Variants in SPSB1 observed in about 807,000 individuals in gnomAD.
The protein encoded by SPSB1 is SPRY domain-containing SOCS box protein 1.
A neutral mutation model predicts 21.2 loss-of-function variants in SPSB1; 8 were observed. That is an observed-to-expected ratio of 0.38 (90% CI 0.22 to 0.68). The LOEUF (loss-of-function observed/expected upper bound fraction) is 0.68, where lower values mean the gene tolerates loss of function less well. Ranked by LOEUF, SPSB1 falls within the 30% of genes least tolerant of loss-of-function variation. The pLI is 0.53. For synonymous variants in SPSB1, 169 were observed against 161.7 expected (o/e 1.05, Z -0.34); for missense variants, 242 against 377.8 (o/e 0.64, Z 2.98).
chr1:9,366,034 A>C (rs559564041), intron 2 of SPSB1, among the ~76,000 whole-genome samples: 1 of 152,306 alleles, frequency 6.6e-6, no homozygotes, highest in Non-Finnish European at 1.5e-5. Context: ...GACTCCTGAG[A>C]TCTGAAGCTG....
At chr1:9,359,608 A>C (rs984266189) in intron 2 of SPSB1, among the ~76,000 whole-genome samples, 6 of 151,694 alleles carry the variant, frequency 4.0e-5, no homozygotes, top group Admixed American at 3.9e-4. Context: ...AGGCTGAGGC[A>C]GGAGAATTGC....
chr1:9,330,180 G>A (rs776989322), intron 1 of SPSB1, among the ~76,000 whole-genome samples: 1 of 152,174 alleles, frequency 6.6e-6, no homozygotes, highest in Non-Finnish European at 1.5e-5. Flanking sequence ...ACATAAAGAT[G>A]TACCAGGCTG....
rs996247490 is a variant in SPSB1, at chr1:9,305,866, G to A, written c.-150+12795G>A. 2.0e-5 allele frequency among the ~76,000 whole-genome samples: 3 copies of A among 152,142 alleles called. No individual in the cohort carries two copies. Among genetic ancestry groups the A allele is most frequent in the Non-Finnish European group, 4.4e-5 (3 of 68,034 alleles). On this transcript the variant is annotated intron_variant, in intron 1 of 2. Transcript: ENST00000328089. The surrounding 1 kb of genome is among the most constrained non-coding windows in gnomAD (Gnocchi z 4.8). ...CGTCTCTGCTGATGATAGCGCTCAGGGTATCAGAGGACACTGGTGGCAGGG... is the reference window on the plus strand; with the variant it reads ...CGTCTCTGCTGATGATAGCGCTCAGAGTATCAGAGGACACTGGTGGCAGGG...
In SPSB1 at chr1:9,356,102, G is replaced by A. The variant is rs766384598; in HGVS notation, c.211G>A (p.Asp71Asn). The change falls in exon 2 of 3, where the codon GAC becomes AAC. Residue 71 changes from aspartate to asparagine, a missense_variant. By Grantham distance (23) the Asp-to-Asn change is conservative (BLOSUM62 1). Transcript: ENST00000328089. This position sits in a 1 kb window ranked among gnomAD's most constrained non-coding sequence, Gnocchi z 7.4. ...RSLNVFVKED[D>N]KLIFHRHPVA... ...GCTCAATGTCTTTGTGAAGGAGGAC[G>A]ACAAGCTCATCTTTCACCGGCATCC... The A allele has an allele frequency of 2.6e-5, 42 of 1,606,678 alleles. No homozygotes were observed. The highest frequency in any genetic ancestry group is 1.3e-4 in the Admixed American group (8 of 59,682).
intron 1 of SPSB1, among the ~76,000 whole-genome samples, chr1:9,299,209 C>T (rs938304858): frequency 1.5e-4 from 23 of 152,334 alleles, no homozygotes; most frequent in African/African-American, 5.5e-4. Flanking sequence ...TCCATAAGGC[C>T]CAGCAGAAGC....
At chr1:9,340,159 C>T (rs1299987312) in intron 1 of SPSB1, among the ~76,000 whole-genome samples, 1 of 152,186 alleles carries the variant, frequency 6.6e-6, no homozygotes, top group African/African-American at 2.4e-5. Flanking sequence ...CCAGTTCCCT[C>T]GCCCCTGTAG....
chr1:9,359,722 G>A (rs1289016014), intron 2 of SPSB1, among the ~76,000 whole-genome samples: 2 of 109,324 alleles, frequency 1.8e-5, no homozygotes, highest in Non-Finnish European at 4.1e-5. Flanking sequence ...AAAAAAAAAA[G>A]TATCATTCTG....
At chr1:9,323,410 G>A (rs1022281003) in intron 1 of SPSB1, among the ~76,000 whole-genome samples, 8 of 152,150 alleles carry the variant, frequency 5.3e-5, no homozygotes, top group Non-Finnish European at 8.8e-5. Flanking sequence ...AGCCTCCCTC[G>A]CGGCCCGTTG....
intron 1 of SPSB1, among the ~76,000 whole-genome samples, chr1:9,315,293 C>T (rs1223731455): frequency 6.6e-6 from 1 of 152,268 alleles, no homozygotes; most frequent in Non-Finnish European, 1.5e-5. Flanking sequence ...CTCCAAGGGA[C>T]ACAGCCCCGT....
chr1:9,331,321 G>GGT (rs1486326427), intron 1 of SPSB1, among the ~76,000 whole-genome samples: 2 of 53,704 alleles, frequency 3.7e-5, no homozygotes, highest in African/African-American at 1.6e-4. Context: ...TGGTGCTCTT[G>GGT]TTTTTTTTTT....
intron 1 of SPSB1, among the ~76,000 whole-genome samples, chr1:9,316,994 G>C (rs573650871): frequency 6.6e-6 from 1 of 152,188 alleles, no homozygotes; most frequent in Admixed American, 6.5e-5. Context: ...GCCTCACCTT[G>C]GATGCACCTT....
intron 2 of SPSB1, among the ~76,000 whole-genome samples, chr1:9,357,606 C>T (rs1469916076): frequency 1.3e-5 from 2 of 152,180 alleles, no homozygotes; most frequent in Admixed American, 1.3e-4. Flanking sequence ...GAGATACAGT[C>T]CTGAGGGACT....
intron 1 of SPSB1, among the ~76,000 whole-genome samples, chr1:9,344,117 G>C (rs948610515): frequency 1.3e-5 from 2 of 152,188 alleles, no homozygotes; most frequent in East Asian, 3.9e-4. Flanking sequence ...TATGGTACAA[G>C]TGTAATCCTG....
intron 1 of SPSB1, among the ~76,000 whole-genome samples, chr1:9,308,462 C>G (rs1639458714): frequency 6.6e-6 from 1 of 152,226 alleles, no homozygotes; most frequent in Non-Finnish European, 1.5e-5. Flanking sequence ...AAGCTGTCAT[C>G]AACTGGGGGA....
At position 9,355,869 on chromosome 1, in the gene SPSB1, A is replaced by G; in HGVS notation, c.-23A>G. 6.5e-7 allele frequency: 1 copy of G among 1,527,412 alleles called. No individual in the cohort carries two copies. The highest frequency in any genetic ancestry group is 8.8e-7 in the Non-Finnish European group (1 of 1,136,314). 94.6% of individuals were successfully genotyped at this position (1,527,412 alleles called of 1,614,324 possible). On this transcript the variant is annotated 5_prime_UTR_variant, in exon 2 of 3. Transcript: ENST00000328089. ...GATGAGTTTGCCTTGGGAGTCGGTA[A>G]GAAGGTGAAGCCAGGGGCGAACATG...
chr1:9,295,221 T>TGTGTGTGTGAGAGTGTGAGA (rs1639199994), intron 1 of SPSB1, among the ~76,000 whole-genome samples: 2 of 81,212 alleles, frequency 2.5e-5, no homozygotes, highest in South Asian at 5.9e-4. Context: ...AGTGTGAGTG[T>TGTGTGTGTGAGAGTGTGAGA]GTGTGTGTGT....
chr1:9,304,046 G>A (rs1639374072), intron 1 of SPSB1, among the ~76,000 whole-genome samples: 2 of 152,156 alleles, frequency 1.3e-5, no homozygotes, highest in South Asian at 4.1e-4. Flanking sequence ...GCCCTCCATG[G>A]GGTCAGCCAC....
At chr1:9,316,527 A>G (rs1311306028) in intron 1 of SPSB1, among the ~76,000 whole-genome samples, 1 of 152,128 alleles carries the variant, frequency 6.6e-6, no homozygotes, top group Non-Finnish European at 1.5e-5. Context: ...TGGGCCAGGC[A>G]TCACGCCTTG....
chr1:9,338,666 C>CT (rs2100499096), intron 1 of SPSB1, among the ~76,000 whole-genome samples: 1 of 152,372 alleles, frequency 6.6e-6, no homozygotes, highest in African/African-American at 2.4e-5. Context: ...CTGGCTTCAC[C>CT]TTTGAGTCTG....
Sources: allele counts gnomAD v4.1 joint callset (sites outside exome capture counted in the v4.1 genomes callset), GRCh38; gene constraint gnomAD v4.1.1; non-coding constraint Gnocchi (gnomAD v3.1); transcripts MANE v1.5; gene names NCBI Gene and HGNC (gene_info 2026-07-23, HGNC 2026-07-21).